Variants in AP3B1 observed in about 807,000 individuals in gnomAD.
AP3B1 encodes adaptor related protein complex 3 subunit beta 1.
Under a neutral mutation model 132.5 loss-of-function variants are expected in AP3B1, and 61 were observed. The observed-to-expected ratio is 0.46, with a 90% CI of 0.37 to 0.57. AP3B1 has a LOEUF of 0.57. Ranked by LOEUF, AP3B1 falls within the 20% of genes least tolerant of loss-of-function variation. The probability of loss-of-function intolerance (pLI) is 0.00; values close to 1 mark genes in which losing one functional copy is unlikely to be tolerated. For missense variants in AP3B1, 1,120 were observed against 1,289.4 expected, an observed-to-expected ratio of 0.87 and a Z score of 2.01; for synonymous variants, 388 against 438.3, an observed-to-expected ratio of 0.89 and a Z score of 1.43.
At chr5:78,066,768 C>T (rs975895256) in intron 22 of AP3B1, among the ~76,000 whole-genome samples, 2 of 152,094 alleles carry the variant, frequency 1.3e-5, no homozygotes, top group South Asian at 4.2e-4. Flanking sequence ...GGAAAACTTC[C>T]CCAGCCTAGC....
At chr5:78,071,608 C>A (rs969510695) in intron 22 of AP3B1, among the ~76,000 whole-genome samples, 61 of 152,286 alleles carry the variant, frequency 4.0e-4, no homozygotes, top group African/African-American at 1.4e-3. Flanking sequence ...CAATGGAGTT[C>A]TTTAAACTGA....
rs1747937090 is a variant in AP3B1 at position 78,039,082 on chromosome 5, GT to G, written c.2769del (p.Lys923AsnfsTer4). 3.1e-6 allele frequency: 5 copies of G among 1,609,244 alleles called. No homozygotes were observed. The highest frequency in any genetic ancestry group is 1.3e-5 in the African/African-American group (1 of 74,714). ...KIENIHIGEK[K>X]LPIGMKMHVF... The stretch of plus-strand genomic sequence containing the variant: ...ACATGCATTTTCATGCCTATAGGAA[GT>G]TTTTTTTCCCCTATGTGGATATTTT... On this transcript the variant is annotated frameshift_variant, in exon 23 of 27. Transcript: ENST00000255194. LOFTEE classifies it high-confidence loss of function.
In AP3B1 at chr5:78,263,197, T is replaced by G. The variant is rs187514313; in HGVS notation, c.204+4323A>C. On this transcript the variant is annotated intron_variant, in intron 2 of 26. Transcript: ENST00000255194. Reference sequence around the variant, plus strand: ...TGTCTTCTTTAATTTTTCTCAGTAATGTTTCAGTGTACAAGTCTTTCATCT... The same window carrying G: ...TGTCTTCTTTAATTTTTCTCAGTAAGGTTTCAGTGTACAAGTCTTTCATCT... 8.5e-4 allele frequency among the ~76,000 whole-genome samples: 130 copies of G among 152,310 alleles called. 1 individual carries two copies. The highest frequency in any genetic ancestry group is 4.4e-3 in the Admixed American group (68 of 15,296).
chr5:78,034,538 G>A, intron 23 of AP3B1, 93 bp from the exon 24 acceptor site: 2 of 962,804 alleles, frequency 2.1e-6, no homozygotes, highest in Non-Finnish European at 3.3e-6. Context: ...TTGTAGCTTG[G>A]TTGAAACTGT....
chr5:78,265,264 C>T (rs957583707), intron 2 of AP3B1, among the ~76,000 whole-genome samples: 4 of 151,920 alleles, frequency 2.6e-5, no homozygotes, highest in African/African-American at 9.7e-5. Context: ...TAGCAAGACC[C>T]TGTCTCTACA....
chr5:78,267,441 AT>A (rs146975881), intron 2 of AP3B1, 78 bp downstream of exon 2: 1 of 578,956 alleles, frequency 1.7e-6, no homozygotes, highest in Non-Finnish European at 2.7e-6. Flanking sequence ...TATTTAACGT[AT>A]TTTTATATAT....
chr5:78,143,321 C>T (rs2112330862), intron 14 of AP3B1, among the ~76,000 whole-genome samples: 1 of 152,048 alleles, frequency 6.6e-6, no homozygotes, highest in Admixed American at 6.5e-5. Context: ...ATTTAAAATA[C>T]AACTCTTTGA....
intron 6 of AP3B1, 115 bp from the exon 7 acceptor site, chr5:78,216,352 A>T: frequency 4.1e-6 from 4 of 973,520 alleles, no homozygotes; most frequent in Non-Finnish European, 4.7e-6. Flanking sequence ...GTATTCAGTC[A>T]TTCAATTAAA....
chr5:78,072,529 G>A (rs767739601), intron 22 of AP3B1, among the ~76,000 whole-genome samples: 3 of 152,000 alleles, frequency 2.0e-5, no homozygotes, highest in South Asian at 4.2e-4. Flanking sequence ...TTTTTGGGGG[G>A]AGTATTATTT....
At chr5:78,201,841 C>T (rs1328497520) in intron 7 of AP3B1, among the ~76,000 whole-genome samples, 1 of 152,060 alleles carries the variant, frequency 6.6e-6, no homozygotes, top group Non-Finnish European at 1.5e-5. Context: ...TCCTCCTCTC[C>T]CCAGAAAAAA....
rs1746818430 is a variant in AP3B1 at position 78,015,478 on chromosome 5, C to A, written c.3063G>T (p.Val1021=). The A allele has an allele frequency of 6.2e-7, 1 of 1,613,804 alleles. No homozygotes were observed. Residue 1021 remains valine, a synonymous_variant, in exon 26 of 27, where the codon GTG becomes GTT. Transcript: ENST00000255194. ...IAAPQNFTPS[V]IFQKVVNVAN... Reference sequence around the variant, plus strand: ...CTACATTTACAACCTTCTGAAAGATCACAGAGGGAGTGAAATTCTGTGGTG... The same window carrying A: ...CTACATTTACAACCTTCTGAAAGATAACAGAGGGAGTGAAATTCTGTGGTG...
intron 7 of AP3B1, among the ~76,000 whole-genome samples, chr5:78,213,101 G>A (rs779407329): frequency 1.3e-5 from 2 of 151,840 alleles, no homozygotes; most frequent in East Asian, 3.9e-4. Flanking sequence ...GGATGGTCTT[G>A]ATCTCCTGAC....
At chr5:78,093,073 T>G (rs1750598723) in intron 21 of AP3B1, among the ~76,000 whole-genome samples, 1 of 152,382 alleles carries the variant, frequency 6.6e-6, no homozygotes. Context: ...TGATGAATGT[T>G]ACTTCACTAA....
intron 9 of AP3B1, among the ~76,000 whole-genome samples, chr5:78,176,195 C>T (rs1208862178): frequency 6.6e-6 from 1 of 152,140 alleles, no homozygotes; most frequent in Non-Finnish European, 1.5e-5. Flanking sequence ...CATTAAATAA[C>T]TCATTCTTCC....
At chr5:78,097,717 G>A (rs1750933612) in intron 21 of AP3B1, among the ~76,000 whole-genome samples, 1 of 151,814 alleles carries the variant, frequency 6.6e-6, no homozygotes. Flanking sequence ...GCCTCTGCCA[G>A]GCCGCCCCTA....
chr5:78,193,738 A>G (rs866398931), intron 7 of AP3B1, among the ~76,000 whole-genome samples: 3,562 of 87,362 alleles, frequency 0.041, 210 homozygotes, highest in African/African-American at 0.14. Context: ...ATTTGTATAT[A>G]TTTTTTTATA....
At chr5:78,225,089 G>T (rs1319975546) in intron 6 of AP3B1, among the ~76,000 whole-genome samples, 1 of 152,064 alleles carries the variant, frequency 6.6e-6, no homozygotes. Flanking sequence ...ACTGCCTACT[G>T]TATTAGATAG....
intron 2 of AP3B1, among the ~76,000 whole-genome samples, chr5:78,263,837 A>G (rs1275694613): frequency 2.0e-5 from 3 of 152,168 alleles, no homozygotes; most frequent in African/African-American, 7.2e-5. Context: ...CAGTCGTGCC[A>G]CGTTTTGGTC....
chr5:78,124,832 C>A (rs1363235), intron 17 of AP3B1, among the ~76,000 whole-genome samples: 44,501 of 151,982 alleles, frequency 0.29, 6,868 homozygotes, highest in Admixed American at 0.41. Flanking sequence ...TCTGATAAAA[C>A]GTTTGTTGGA....
Sources: allele counts gnomAD v4.1 joint callset (sites outside exome capture counted in the v4.1 genomes callset), GRCh38; gene constraint gnomAD v4.1.1; transcripts MANE v1.5; gene names NCBI Gene and HGNC (gene_info 2026-07-23, HGNC 2026-07-21).